ZSCAN32: variants seen among roughly 807,000 people sequenced by gnomAD.
The protein encoded by ZSCAN32 is zinc finger and SCAN domain-containing protein 32.
Under a neutral mutation model 47.4 loss-of-function variants are expected in ZSCAN32, and 52 were observed. The ratio of observed to expected loss-of-function variants is 1.10; its 90% confidence interval spans 0.88 to 1.38. ZSCAN32 has a LOEUF of 1.38. Among genes scored for constraint, ZSCAN32 ranks in the 40% most tolerant of loss-of-function variants. ZSCAN32 has a pLI of 0.00. For synonymous variants in ZSCAN32, 346 were observed against 305.7 expected (o/e 1.13, Z -1.38); for missense variants, 959 against 846.0 (o/e 1.13, Z -1.66).
chr16:3,388,687 G>A (rs546495417), intron 5 of ZSCAN32, among the ~76,000 whole-genome samples: 6 of 152,176 alleles, frequency 3.9e-5, no homozygotes, highest in Non-Finnish European at 8.8e-5. Context: ...GATCCTCAAT[G>A]GTTGACAAGA....
At chr16:3,386,748 A>C (rs998915992) in intron 5 of ZSCAN32, among the ~76,000 whole-genome samples, 1 of 152,184 alleles carries the variant, frequency 6.6e-6, no homozygotes, top group Non-Finnish European at 1.5e-5. Flanking sequence ...CAGTGAGAAC[A>C]CATGGACACA....
intron 4 of ZSCAN32, 56 bp from the exon 5 acceptor site, chr16:3,390,189 G>A: frequency 3.9e-6 from 6 of 1,523,728 alleles, no homozygotes; most frequent in Non-Finnish European, 5.3e-6. Context: ...CTAGCCTGGG[G>A]TGGGGGCAGA....
intron 5 of ZSCAN32, among the ~76,000 whole-genome samples, chr16:3,389,737 C>T (rs1479075827): frequency 6.6e-6 from 1 of 152,202 alleles, no homozygotes; most frequent in Non-Finnish European, 1.5e-5. Flanking sequence ...CGGCTCTGGA[C>T]TACTTGTTCT....
chr16:3,382,574 T>G lies in ZSCAN32; in HGVS notation c.*278A>C, dbSNP rs2031345072. 1 of 303,086 alleles carries G rather than the reference T, an allele frequency of 3.3e-6. No homozygotes were observed. The highest frequency in any genetic ancestry group is 6.0e-6 in the Non-Finnish European group (1 of 165,898). 18.8% of individuals were successfully genotyped at this position (303,086 alleles called of 1,614,324 possible). ...ACCACTGGGTGCCCATTCTCAGTGCTAGGAACAGGAAGACCCTGGTTTCCT... is the reference window on the plus strand; with the variant it reads ...ACCACTGGGTGCCCATTCTCAGTGCGAGGAACAGGAAGACCCTGGTTTCCT... On this transcript the variant is annotated 3_prime_UTR_variant, in exon 7 of 7. Coordinates refer to ENST00000396852, the MANE Select transcript of ZSCAN32 (RefSeq NM_001284527.2).
Position 3,397,500 on chromosome 16 carries a change from G to T in ZSCAN32, c.58C>A (p.Gln20Lys), listed in dbSNP as rs140432239. 2,857 of 1,550,376 alleles carry T rather than the reference G, an allele frequency of 1.8e-3. 34 individuals are homozygous for T. The African/African-American group carries it at 0.034, about 19-fold the overall frequency. Residue 20 changes from glutamine (Q) to lysine (K), a missense_variant, in exon 2 of 7, where the codon CAG (glutamine) becomes AAG (lysine). By Grantham distance (53) the Gln-to-Lys change is moderately conservative. Coordinates refer to ENST00000396852, the MANE Select transcript of ZSCAN32 (RefSeq NM_001284527.2). ...AHPSSNKDPT[Q>K]GQKSALQGNS... is the part of the protein sequence containing the mutation. ...CCCTGGAGGGCTGATTTCTGGCCCT[G>T]TGTGGGATCCTTGTTTGAGGATGGG...
chr16:3,394,299 A>G (rs2033159073), intron 2 of ZSCAN32, among the ~76,000 whole-genome samples: 1 of 152,126 alleles, frequency 6.6e-6, no homozygotes, highest in African/African-American at 2.4e-5. Flanking sequence ...AGTGGTTAAG[A>G]TTATTTATAT....
intron 3 of ZSCAN32, among the ~76,000 whole-genome samples, chr16:3,392,508 C>T (rs2032834050): frequency 6.6e-6 from 1 of 151,964 alleles, no homozygotes; most frequent in Admixed American, 6.6e-5. Context: ...CCATTGTACC[C>T]AGCCAAGATA....
At chr16:3,384,219 G>C (rs2031644435) in intron 6 of ZSCAN32, 2 of 607,648 alleles carry the variant, frequency 3.3e-6, no homozygotes, top group Non-Finnish European at 2.9e-6. Flanking sequence ...AATGCATAGT[G>C]AAACTCCATG....
At position 3,384,534 on chromosome 16, in the gene ZSCAN32, C is replaced by T. The variant is rs1398680253; in HGVS notation, c.1159G>A (p.Asp387Asn). ...EDGTVDGADR[D>N]EKDFRNPGQE... is the part of the protein sequence containing the mutation. ...CCAGGATTCCTGAAGTCCTTTTCAT[C>T]CCTGTCTGCACCATCCACAGTGCCA... is the stretch of plus-strand genomic sequence containing the variant. The change falls in exon 6 of 7, where the codon GAT (aspartate) becomes AAT (asparagine). Residue 387 changes from aspartate (D) to asparagine (N), a missense_variant. Coordinates refer to ENST00000396852, the MANE Select transcript of ZSCAN32 (RefSeq NM_001284527.2). The T allele has an allele frequency of 1.9e-6, 3 of 1,614,140 alleles. No individual in the cohort carries two copies. The highest frequency in any genetic ancestry group is 2.2e-5 in the East Asian group (1 of 44,872).
intron 2 of ZSCAN32, among the ~76,000 whole-genome samples, chr16:3,394,482 T>C (rs1596226842): frequency 2.0e-5 from 3 of 152,254 alleles, no homozygotes; most frequent in South Asian, 2.1e-4. Context: ...AGACCTCGCA[T>C]TGGTCCTCTC....
intron 1 of ZSCAN32, among the ~76,000 whole-genome samples, chr16:3,399,901 C>T (rs1022361270): frequency 6.6e-6 from 1 of 152,182 alleles, no homozygotes; most frequent in Admixed American, 6.5e-5. Flanking sequence ...CCACTGCACC[C>T]GCGAAGGCAG....
chr16:3,386,981 G>A (rs924922472), intron 5 of ZSCAN32, among the ~76,000 whole-genome samples: 1 of 150,230 alleles, frequency 6.7e-6, no homozygotes, highest in African/African-American at 2.5e-5. Flanking sequence ...TTCTCAAACC[G>A]TGCCACAACT....
intron 3 of ZSCAN32, among the ~76,000 whole-genome samples, chr16:3,393,208 T>TC (rs2032963532): frequency 8.5e-5 from 1 of 11,788 alleles, no homozygotes; most frequent in African/African-American, 5.6e-4. Context: ...ATATTTATAT[T>TC]TATATATATA....
In ZSCAN32 at chr16:3,383,161, G is replaced by C; in HGVS notation, c.1785C>G (p.His595Gln). The C allele has an allele frequency of 6.2e-7, 1 of 1,614,144 alleles. No individual in the cohort carries two copies. Among genetic ancestry groups the C allele is most frequent in the South Asian group, 1.1e-5 (1 of 91,076 alleles). Residue 595 changes from histidine (H) to glutamine (Q), a missense_variant, in exon 7 of 7, where the codon CAC (histidine) becomes CAG (glutamine). By Grantham distance (24) the His-to-Gln change is conservative (BLOSUM62 0). Coordinates refer to ENST00000396852, the MANE Select transcript of ZSCAN32 (RefSeq NM_001284527.2). ...SFNQSSSLIVHQRTHTGEKPY... is the reference protein window; with the variant it reads ...SFNQSSSLIVQQRTHTGEKPY... ...GCTTTTCCCCGGTATGGGTCCTCTG[G>C]TGGACAATGAGGCTGGAACTCTGGT...
At chr16:3,396,905 G>A (rs2033421050) in intron 2 of ZSCAN32, among the ~76,000 whole-genome samples, 1 of 152,228 alleles carries the variant, frequency 6.6e-6, no homozygotes, top group African/African-American at 2.4e-5. Flanking sequence ...CTGAGTGAAG[G>A]AGAGTTGTCC....
chr16:3,382,836 C>T lies in ZSCAN32; in HGVS notation c.*16G>A. Reference sequence around the variant, plus strand: ...TGCTGACCTGAGGAACTTAATCTGACAGTTTACCGACACACTCATAACGCA... The same window carrying T: ...TGCTGACCTGAGGAACTTAATCTGATAGTTTACCGACACACTCATAACGCA... On this transcript the variant is annotated 3_prime_UTR_variant, in exon 7 of 7. Transcript: ENST00000396852. The T allele has an allele frequency of 2.6e-6, 4 of 1,536,856 alleles. No homozygotes were observed. Among genetic ancestry groups the T allele is most frequent in the Non-Finnish European group, 3.5e-6 (4 of 1,140,480 alleles).
In ZSCAN32 at chr16:3,397,229, G is replaced by A. The variant is rs2033454542; in HGVS notation, c.329C>T (p.Ala110Val). 1.3e-6 allele frequency: 2 copies of A among 1,557,148 alleles called. No individual in the cohort carries two copies. The highest frequency in any genetic ancestry group is 1.4e-5 in the African/African-American group (1 of 73,190). ...QHPENGEEAV[A>V]LVEDVQRAPG... The stretch of plus-strand genomic sequence containing the variant: ...AGCTCTCTGTACATCCTCAACCAGA[G>A]CCACAGCTTCCTCGCCGTTTTCTGG... The change falls in exon 2 of 7, where the codon GCT becomes GTT. Residue 110 changes from alanine to valine, a missense_variant. By Grantham distance (64) the Ala-to-Val change is moderately conservative. Coordinates refer to ENST00000396852, the MANE Select transcript of ZSCAN32 (RefSeq NM_001284527.2).
At chr16:3,400,275 TGA>T (rs1451332937) in intron 1 of ZSCAN32, among the ~76,000 whole-genome samples, 1 of 152,162 alleles carries the variant, frequency 6.6e-6, no homozygotes, top group South Asian at 2.1e-4. Context: ...AAAAAGAAAC[TGA>T]GAGCGATGAA....
intron 3 of ZSCAN32, among the ~76,000 whole-genome samples, chr16:3,392,453 TCCTCCCGCTTCAG>T (rs1002422749): frequency 4.6e-5 from 7 of 151,468 alleles, no homozygotes; most frequent in Admixed American, 1.3e-4. Flanking sequence ...GCTCAAGCTA[TCCTCCCGCTTCAG>T]CCTCCCAAAG....
Sources: allele counts gnomAD v4.1 joint callset (sites outside exome capture counted in the v4.1 genomes callset), GRCh38; gene constraint gnomAD v4.1.1; transcripts MANE v1.5; gene names NCBI Gene and HGNC (gene_info 2026-07-23, HGNC 2026-07-21).